The following MACROD2 variants were observed in gnomAD, a reference collection of about 807,000 sequenced individuals.
MACROD2 encodes the protein ADP-ribose glycohydrolase MACROD2.
In MACROD2, 36 loss-of-function variants were observed where a neutral mutation model predicts 70.4. The ratio of observed to expected loss-of-function variants is 0.51; its 90% CI spans 0.39 to 0.68. The LOEUF (loss-of-function observed/expected upper bound fraction) is 0.68. Ranked by LOEUF, MACROD2 falls within the 30% of genes least tolerant of loss-of-function variation. The probability of loss-of-function intolerance (pLI) is 0.00; values close to 1 mark genes in which losing one functional copy is unlikely to be tolerated. For missense variants in MACROD2, 496 were observed against 538.4 expected, an observed-to-expected ratio of 0.92 and a Z score of 0.78; for synonymous variants, 172 against 178.8, an observed-to-expected ratio of 0.96 and a Z score of 0.30.
At chr20:15,595,947 T>A (rs1298504671) in intron 8 of MACROD2, among the ~76,000 whole-genome samples, 1 of 152,204 alleles carries the variant, frequency 6.6e-6, no homozygotes, top group Non-Finnish European at 1.5e-5. Context: ...AAAATTTTCC[T>A]ATACTATCTA....
chr20:15,355,160 TTAAAGG>T, intron 6 of MACROD2, among the ~76,000 whole-genome samples: 1 of 152,262 alleles, frequency 6.6e-6, no homozygotes, highest in South Asian at 2.1e-4. Context: ...ACTCCACAAG[TTAAAGG>T]CTCAGTCATC....
intron 2 of MACROD2, among the ~76,000 whole-genome samples, chr20:14,058,844 A>G (rs529655072): frequency 3.9e-5 from 6 of 152,054 alleles, no homozygotes; most frequent in South Asian, 2.1e-4. Context: ...AGGTTTCACA[A>G]TGTTGGCCAG....
At chr20:15,165,989 A>G (rs2076380891) in intron 5 of MACROD2, among the ~76,000 whole-genome samples, 1 of 152,194 alleles carries the variant, frequency 6.6e-6, no homozygotes, top group African/African-American at 2.4e-5. Flanking sequence ...GAAAGAAGCC[A>G]GATGCAAAAG....
intron 8 of MACROD2, among the ~76,000 whole-genome samples, chr20:15,772,843 C>T (rs1376861872): frequency 3.3e-5 from 5 of 151,946 alleles, no homozygotes; most frequent in African/African-American, 1.2e-4. Context: ...TATTGCAGTA[C>T]AAAATAAATT....
chr20:14,738,421 TACCC>T (rs2071693417), intron 5 of MACROD2, among the ~76,000 whole-genome samples: 1 of 152,088 alleles, frequency 6.6e-6, no homozygotes, highest in Admixed American at 6.6e-5. Context: ...CAATGTCTCC[TACCC>T]TATCTGAAAC....
intron 5 of MACROD2, among the ~76,000 whole-genome samples, chr20:14,878,512 G>A (rs1026945746): frequency 1.3e-5 from 2 of 152,048 alleles, no homozygotes; most frequent in African/African-American, 4.8e-5. Flanking sequence ...AGTAATAAAT[G>A]TTATATAGAG....
intron 8 of MACROD2, among the ~76,000 whole-genome samples, chr20:15,772,279 C>T (rs897145317): frequency 6.6e-6 from 1 of 151,218 alleles, no homozygotes; most frequent in Non-Finnish European, 1.5e-5. Flanking sequence ...ACTAGAGAAA[C>T]ACAGGATTTA....
chr20:14,353,763 T>C (rs1245212915), intron 3 of MACROD2, among the ~76,000 whole-genome samples: 1 of 152,134 alleles, frequency 6.6e-6, no homozygotes, highest in African/African-American at 2.4e-5. Flanking sequence ...GAAACTTTCT[T>C]TAGAAATTTG....
At chr20:14,645,883 C>T (rs1325743119) in intron 4 of MACROD2, among the ~76,000 whole-genome samples, 7 of 151,970 alleles carry the variant, frequency 4.6e-5, no homozygotes, top group African/African-American at 1.4e-4. Flanking sequence ...ACTCCATTTA[C>T]AGAAACCAAA....
intron 5 of MACROD2, among the ~76,000 whole-genome samples, chr20:15,102,735 C>CAT (rs10626110): frequency 0.84 from 128,000 of 151,794 alleles, 54,785 homozygotes; most frequent in Non-Finnish European, 0.9. Context: ...TAAACTCCCA[C>CAT]GTGTGAAAAT....
intron 3 of MACROD2, among the ~76,000 whole-genome samples, chr20:14,417,057 T>C (rs372739204): frequency 0.023 from 1,738 of 75,676 alleles, 14 homozygotes; most frequent in Middle Eastern, 0.15. Context: ...TATCTATCTA[T>C]CTATCTATCA....
At chr20:14,075,631 C>T (rs1232082171) in intron 2 of MACROD2, among the ~76,000 whole-genome samples, 1 of 152,142 alleles carries the variant, frequency 6.6e-6, no homozygotes, top group African/African-American at 2.4e-5. Flanking sequence ...CCCTTTAATT[C>T]TCTTGAATCT....
At chr20:14,861,449 G>A (rs1451453819) in intron 5 of MACROD2, among the ~76,000 whole-genome samples, 1 of 152,034 alleles carries the variant, frequency 6.6e-6, no homozygotes, top group Non-Finnish European at 1.5e-5. Flanking sequence ...CTGACTAAGA[G>A]ACAGTGGCAA....
intron 4 of MACROD2, among the ~76,000 whole-genome samples, chr20:14,531,324 A>T (rs560430219): frequency 4.0e-5 from 6 of 151,838 alleles, no homozygotes; most frequent in Non-Finnish European, 7.4e-5. Context: ...AAACACAGGG[A>T]TACACAGGGA....
At chr20:14,750,854 C>G (rs532994256) in intron 5 of MACROD2, among the ~76,000 whole-genome samples, 1 of 152,146 alleles carries the variant, frequency 6.6e-6, no homozygotes, top group Middle Eastern at 3.4e-3. Context: ...TTATAAATCA[C>G]TAACAAATAA....
chr20:15,366,715 AT>A (rs796322882), intron 6 of MACROD2, among the ~76,000 whole-genome samples: 210 of 141,744 alleles, frequency 1.5e-3, no homozygotes, highest in African/African-American at 2.6e-3. Flanking sequence ...ATGCCTGGCT[AT>A]TTTTTTTTTT....
chr20:15,150,502 G>C (rs2076261542), intron 5 of MACROD2, among the ~76,000 whole-genome samples: 1 of 152,008 alleles, frequency 6.6e-6, no homozygotes, highest in Non-Finnish European at 1.5e-5. Context: ...ATAGGTTTTA[G>C]AAGCCCATGC....
intron 5 of MACROD2, among the ~76,000 whole-genome samples, chr20:15,055,273 A>T (rs1174755865): frequency 6.6e-6 from 1 of 152,094 alleles, no homozygotes; most frequent in Non-Finnish European, 1.5e-5. Flanking sequence ...TTTGAATAAG[A>T]TATATAATGT....
chr20:14,615,302 G>T (rs1015318347), intron 4 of MACROD2, among the ~76,000 whole-genome samples: 1 of 152,086 alleles, frequency 6.6e-6, no homozygotes, highest in Non-Finnish European at 1.5e-5. Context: ...GTTCTTCCCC[G>T]GATAGGGGAA....
Sources: gnomAD v4.1 joint callset for allele counts (sites outside exome capture counted in the v4.1 genomes callset) on GRCh38, gnomAD v4.1.1 for gene constraint, MANE v1.5 for transcripts, NCBI Gene and HGNC (gene_info 2026-07-23, HGNC 2026-07-21) for gene names.